The following ATXN10 variants were observed in gnomAD, a reference collection of about 807,000 sequenced individuals.
The protein encoded by ATXN10 is ataxin-10.
Under a neutral mutation model 52.9 loss-of-function variants are expected in ATXN10, and 28 were observed. The ratio of observed to expected loss-of-function variants is 0.53; its 90% confidence interval spans 0.39 to 0.73. The LOEUF (loss-of-function observed/expected upper bound fraction) is 0.73, where lower values mean the gene tolerates loss of function less well. Among genes scored for constraint, ATXN10 ranks in the 30% least tolerant of loss-of-function variants. The probability of loss-of-function intolerance (pLI) is 0.00; values close to 1 mark genes in which losing one functional copy is unlikely to be tolerated. For synonymous variants in ATXN10, 226 were observed against 221.5 expected (o/e 1.02, Z -0.18); for missense variants, 565 against 577.0 (o/e 0.98, Z 0.21).
rs998805209 is a variant in ATXN10, at chr22:45,727,055, T to G, written c.729-2370T>G. Among the ~76,000 whole-genome samples the G allele has an allele frequency of 1.3e-5, 2 of 152,188 alleles. No individual in the cohort carries two copies. Among genetic ancestry groups the G allele is most frequent in the African/African-American group, 4.8e-5 (2 of 41,442 alleles). ...ACTTGTGGTCTTTCAGACTTTTCGA[T>G]GTAGGCATTTAGCACTGTAAACTTT... On this transcript the variant is annotated intron_variant, in intron 6 of 11. Coordinates refer to ENST00000252934, the MANE Select transcript of ATXN10 (RefSeq NM_013236.4). The surrounding 1 kb of genome is among the most constrained non-coding windows in gnomAD (Gnocchi z 4.6).
At chr22:45,813,020 C>T (rs1928334458) in intron 10 of ATXN10, among the ~76,000 whole-genome samples, 1 of 152,162 alleles carries the variant, frequency 6.6e-6, no homozygotes, top group Non-Finnish European at 1.5e-5. Flanking sequence ...GGAAAAGGCA[C>T]CAGCTACAAG....
chr22:45,704,989 A>G (rs993558590), intron 5 of ATXN10, among the ~76,000 whole-genome samples: 2 of 152,168 alleles, frequency 1.3e-5, no homozygotes, highest in African/African-American at 2.4e-5. Flanking sequence ...ATGAAAGTCT[A>G]TTTTATCAAA....
At chr22:45,743,989 C>G (rs1305357030) in intron 9 of ATXN10, among the ~76,000 whole-genome samples, 5 of 152,098 alleles carry the variant, frequency 3.3e-5, no homozygotes, top group Non-Finnish European at 7.4e-5. Flanking sequence ...GGAGGCTGGT[C>G]AGTCTGCGTC....
chr22:45,784,754 CG>C lies in ATXN10; in HGVS notation c.1174-22202del, dbSNP rs1200577419. Among the ~76,000 whole-genome samples the C allele has an allele frequency of 6.6e-6, 1 of 152,174 alleles. No homozygotes were observed. Among genetic ancestry groups the C allele is most frequent in the Non-Finnish European group, 1.5e-5 (1 of 68,028 alleles). ...GCTGCTGTGTGGCAGATTCCCAGCACGGGCTGGACACTTGAGCTCCCAGCAA... is the reference window on the plus strand; with the variant it reads ...GCTGCTGTGTGGCAGATTCCCAGCACGGCTGGACACTTGAGCTCCCAGCAA... On this transcript the variant is annotated intron_variant, in intron 9 of 11. Transcript: ENST00000252934. The surrounding 1 kb of genome is among the most constrained non-coding windows in gnomAD (Gnocchi z 4.2).
intron 1 of ATXN10, chr22:45,680,233 T>C (rs369070901): frequency 2.0e-5 from 3 of 152,338 alleles, no homozygotes; most frequent in South Asian, 4.1e-4. Flanking sequence ...GTCTGGCACC[T>C]AATAGACACA....
At chr22:45,777,130 C>T (rs909330653) in intron 9 of ATXN10, among the ~76,000 whole-genome samples, 1 of 152,194 alleles carries the variant, frequency 6.6e-6, no homozygotes, top group African/African-American at 2.4e-5. Context: ...TGCCATGTTA[C>T]TCCTAAGTGA....
rs537007815 is a variant in ATXN10 at position 45,798,246 on chromosome 22, G to C, written c.1174-8713G>C. On this transcript the variant is annotated intron_variant, in intron 9 of 11. Transcript: ENST00000252934. ...ACAAACAAAGTAACTACAGAGCAGT[G>C]TCTCTCATGGTCAGAAACATAAAAA... is the stretch of plus-strand genomic sequence containing the variant. Among the ~76,000 whole-genome samples the C allele has an allele frequency of 3.9e-5, 6 of 152,302 alleles. No individual in the cohort carries two copies. In the East Asian group the frequency reaches 1.2e-3, roughly 29 times the overall value.
At chr22:45,778,952 G>A (rs1349001398) in intron 9 of ATXN10, among the ~76,000 whole-genome samples, 3 of 152,198 alleles carry the variant, frequency 2.0e-5, no homozygotes, top group South Asian at 2.1e-4. Flanking sequence ...TGGATACAGA[G>A]TATCAGAGGA....
At chr22:45,807,094 A>T (rs1226476330) in intron 10 of ATXN10, 72 bp downstream of exon 10, 3 of 1,232,668 alleles carry the variant, frequency 2.4e-6, no homozygotes, top group Non-Finnish European at 3.6e-6. Flanking sequence ...CCCTTGCCTC[A>T]TGTTCATTCA....
In ATXN10 at chr22:45,766,307, G is replaced by A. The variant is rs559539722; in HGVS notation, c.1173+25769G>A. Among the ~76,000 whole-genome samples the A allele has an allele frequency of 4.6e-5, 7 of 152,294 alleles. No homozygotes were observed. In the South Asian group the frequency reaches 1.0e-3, roughly 23 times the overall value. On this transcript the variant is annotated intron_variant, in intron 9 of 11. Transcript: ENST00000252934. This position sits in a 1 kb window ranked among gnomAD's most constrained non-coding sequence, Gnocchi z 4.6. ...TGGCATTAGAGTCTCACAGGAGCGT[G>A]AATACTGTTGTGAACTGTGCATGCG...
At chr22:45,682,883 T>C (rs1922985321) in intron 1 of ATXN10, among the ~76,000 whole-genome samples, 1 of 152,232 alleles carries the variant, frequency 6.6e-6, no homozygotes, top group Admixed American at 6.5e-5. Flanking sequence ...TTACCGTATC[T>C]GCTGCTTTCC....
rs1331040755 is a variant in ATXN10, at chr22:45,732,442, G to A, written c.894+2852G>A. On this transcript the variant is annotated intron_variant, in intron 7 of 11. Transcript: ENST00000252934. The surrounding 1 kb of genome is among the most constrained non-coding windows in gnomAD (Gnocchi z 4.5). The stretch of plus-strand genomic sequence containing the variant: ...CTACTGCATTCCAGCCTGGGGAAGA[G>A]TGAGATCCTGTCTCCAAAAAAAAAG... Among the ~76,000 whole-genome samples the A allele has an allele frequency of 6.6e-6, 1 of 152,048 alleles. No homozygotes were observed. The highest frequency in any genetic ancestry group is 6.6e-5 in the Admixed American group (1 of 15,266).
intron 7 of ATXN10, among the ~76,000 whole-genome samples, chr22:45,735,181 G>A (rs1032481867): frequency 6.6e-6 from 1 of 151,954 alleles, no homozygotes; most frequent in African/African-American, 2.4e-5. Context: ...GCCCGGCCAG[G>A]TTGTATTTTA....
chr22:45,678,128 T>G lies in ATXN10; in HGVS notation c.116+5949T>G, dbSNP rs1403776450. On this transcript the variant is annotated intron_variant, in intron 1 of 11. Transcript: ENST00000252934. This position sits in a 1 kb window ranked among gnomAD's most constrained non-coding sequence, Gnocchi z 4.1. ...GTTTACAGAGTTTCTATTTGGGTGT[T>G]AAAAAAAATTTTGGAAGTAGAGGTG... The G allele has an allele frequency of 1.3e-5, 2 of 152,028 alleles. No individual in the cohort carries two copies. The highest frequency in any genetic ancestry group is 2.9e-5 in the Non-Finnish European group (2 of 67,986). 9.4% of individuals were successfully genotyped at this position (152,028 alleles called of 1,614,324 possible).
chr22:45,736,487 ATC>A lies in ATXN10; in HGVS notation c.895-2242_895-2241del, dbSNP rs772599753. Among the ~76,000 whole-genome samples the A allele has an allele frequency of 3.1e-3, 459 of 147,698 alleles. 2 individuals are homozygous for A. Among genetic ancestry groups the A allele is most frequent in the South Asian group, 0.011 (51 of 4,814 alleles). On this transcript the variant is annotated intron_variant, in intron 7 of 11. Coordinates refer to ENST00000252934, the MANE Select transcript of ATXN10 (RefSeq NM_013236.4). ...ACACCTTACAGATAAGGGCCACCTT[ATC>A]TGTAACACCTTACAGATAAGGGCAA...
chr22:45,843,231 C>A lies in ATXN10; in HGVS notation c.1425+53C>A. The A allele has an allele frequency of 6.4e-7, 1 of 1,573,900 alleles. No homozygotes were observed. The highest frequency in any genetic ancestry group is 2.2e-5 in the East Asian group (1 of 44,680). ...CCCTTTGGTTTGTAGAAAGCTGTTT[C>A]CACTTCCCCATTGCTTCAAGCACGA... On this transcript the variant is annotated intron_variant, in intron 11 of 11. Coordinates refer to ENST00000252934, the MANE Select transcript of ATXN10 (RefSeq NM_013236.4). The surrounding 1 kb of genome is among the most constrained non-coding windows in gnomAD (Gnocchi z 4.5).
intron 9 of ATXN10, among the ~76,000 whole-genome samples, chr22:45,799,869 C>A (rs1927874754): frequency 6.6e-6 from 1 of 151,970 alleles, no homozygotes. Flanking sequence ...GATGTATATA[C>A]CAGTGGAACA....
chr22:45,682,594 G>A lies in ATXN10; in HGVS notation c.117-7118G>A, dbSNP rs1210339742. ...CAAAGTGCTGGGATTACAGGCATGA[G>A]CCACTGCACCTGGCTTAGCTAGATT... On this transcript the variant is annotated intron_variant, in intron 1 of 11. Coordinates refer to ENST00000252934, the MANE Select transcript of ATXN10 (RefSeq NM_013236.4). Among the ~76,000 whole-genome samples the A allele has an allele frequency of 2.6e-5, 4 of 152,202 alleles. 1 individual carries two copies. Among genetic ancestry groups the A allele is most frequent in the African/African-American group, 7.2e-5 (3 of 41,444 alleles).
intron 6 of ATXN10, among the ~76,000 whole-genome samples, chr22:45,726,458 A>G (rs1924875680): frequency 6.6e-6 from 1 of 151,952 alleles, no homozygotes; most frequent in African/African-American, 2.4e-5. Flanking sequence ...AAAGGTATTC[A>G]TAGTGTCCTT....
Sources: allele counts gnomAD v4.1 joint callset (sites outside exome capture counted in the v4.1 genomes callset), GRCh38; gene constraint gnomAD v4.1.1; non-coding constraint Gnocchi (gnomAD v3.1); transcripts MANE v1.5; gene names NCBI Gene and HGNC (gene_info 2026-07-23, HGNC 2026-07-21).